The following HNRNPH1 variants were observed in gnomAD, a reference collection of about 807,000 sequenced individuals.
HNRNPH1 encodes the protein heterogeneous nuclear ribonucleoprotein H1, also known as heterogeneous nuclear ribonucleoprotein H.
A neutral mutation model predicts 58.6 loss-of-function variants in HNRNPH1; 4 were observed. That is an observed-to-expected ratio of 0.07 (90% CI 0.03 to 0.16). The LOEUF (loss-of-function observed/expected upper bound fraction) is 0.16. HNRNPH1 is among the 10% of genes least tolerant of loss of function. HNRNPH1 has a pLI of 1.00. For synonymous variants in HNRNPH1, 192 were observed against 189.2 expected, an observed-to-expected ratio of 1.01 and a Z score of -0.12; for missense variants, 271 against 564.2, an observed-to-expected ratio of 0.48 and a Z score of 5.26.
chr5:179,621,735 C>T (rs1319044712), intron 1 of HNRNPH1: 1 of 382,646 alleles, frequency 2.6e-6, no homozygotes, highest in East Asian at 6.4e-5. Flanking sequence ...TTACGGCAAA[C>T]ATACTTCGTT....
chr5:179,633,461 A>ATTTTTTTTTTTTTT (rs762139490), intron 2 of HNRNPH1, among the ~76,000 whole-genome samples: 8 of 102,602 alleles, frequency 7.8e-5, no homozygotes, highest in African/African-American at 2.4e-4. Flanking sequence ...CACCCGGCTA[A>ATTTTTTTTTTTTTT]TTTTTTTTTT....
At chr5:179,624,409 CCT>C (rs1214903946) in exon 1 of HNRNPH1, 5 of 397,398 alleles carry the variant, frequency 1.3e-5, no homozygotes, top group African/African-American at 2.1e-5. Flanking sequence ...GAATTCGCAC[CCT>C]GTGTACCCCT....
upstream of HNRNPH1, among the ~76,000 whole-genome samples, chr5:179,627,369 T>C (rs1190275102): frequency 1.3e-5 from 2 of 152,046 alleles, no homozygotes; most frequent in African/African-American, 2.4e-5. Context: ...TTTTTTTTTT[T>C]TTTGTAGTGA....
chr5:179,632,710 G>C (rs1429448433), intron 2 of HNRNPH1, among the ~76,000 whole-genome samples: 1 of 151,046 alleles, frequency 6.6e-6, no homozygotes, highest in Admixed American at 6.6e-5. Context: ...AACCTCCCAA[G>C]GCTTCAGCCA....
chr5:179,618,165 C>G, exon 5 of HNRNPH1: 1 of 1,614,004 alleles, frequency 6.2e-7, no homozygotes. Flanking sequence ...AGCACCACGC[C>G]TCATCCTCTC....
At chr5:179,626,259 C>T (rs1774384253), upstream of HNRNPH1, among the ~76,000 whole-genome samples, 1 of 151,906 alleles carries the variant, frequency 6.6e-6, no homozygotes, top group South Asian at 2.1e-4. Context: ...TGTGCCACCA[C>T]ACCTGGCTAC....
At chr5:179,621,433 AC>A in intron 1 of HNRNPH1, 36 bp from the exon 3 acceptor site, 2 of 1,572,636 alleles carry the variant, frequency 1.3e-6, no homozygotes, top group Non-Finnish European at 1.7e-6. Context: ...AGAATTTAAA[AC>A]CTAAAACCAC....
chr5:179,633,563 TG>T (rs1775025602), intron 2 of HNRNPH1, among the ~76,000 whole-genome samples: 1 of 144,348 alleles, frequency 6.9e-6, no homozygotes, highest in Admixed American at 6.9e-5. Context: ...CCACCTGCCT[TG>T]GCCTCCCAAA....
intron 2 of HNRNPH1, among the ~76,000 whole-genome samples, chr5:179,630,257 G>C (rs965600005): frequency 9.2e-5 from 14 of 152,194 alleles, no homozygotes; most frequent in Non-Finnish European, 1.5e-4. Context: ...GCTGAGGCAG[G>C]AGAATCGCTT....
exon 13 of HNRNPH1, chr5:179,614,765 A>C: frequency 1.3e-6 from 1 of 764,534 alleles, no homozygotes; most frequent in Non-Finnish European, 2.1e-6. Flanking sequence ...AGAAACTGTT[A>C]AACTGAAGTT....
rs537553210 is a variant in HNRNPH1 at position 179,621,499 on chromosome 5, A to G, written c.98-102T>C. The stretch of plus-strand genomic sequence containing the variant: ...CCATGTCCCCACTACAAATTACATA[A>G]CTTGTGAAGCCTATATATACTGACC... On this transcript the variant is annotated intron_variant, in intron 1 of 12. Coordinates refer to ENST00000356731, the Ensembl canonical transcript of HNRNPH1. 2.8e-5 allele frequency: 28 copies of G among 990,650 alleles called. 1 individual carries two copies. Among genetic ancestry groups the G allele is most frequent in the Admixed American group, 1.6e-4 (7 of 42,920 alleles). The allele number at this position is 990,650 out of a possible 1,614,324, so 61.4% of individuals were successfully genotyped here.
In HNRNPH1 at chr5:179,621,160, T is replaced by C. The variant is rs1772129740; in HGVS notation, c.253+82A>G. On this transcript the variant is annotated intron_variant, in intron 2 of 12. Transcript: ENST00000356731. The stretch of plus-strand genomic sequence containing the variant: ...CCCTTAGATGACCATTTCCATGCAG[T>C]CAAATACCTAAAATTCAGAAGGGGT... 6.6e-6 allele frequency: 10 copies of C among 1,505,504 alleles called. No individual in the cohort carries two copies. The South Asian group carries it at 1.2e-4, about 17-fold the overall frequency. The allele number at this position is 1,505,504 out of a possible 1,614,324, so 93.3% of individuals were successfully genotyped here.
At chr5:179,622,992 G>T in intron 1 of HNRNPH1, 45 bp downstream of exon 2, 1 of 556,242 alleles carries the variant, frequency 1.8e-6, no homozygotes, top group Non-Finnish European at 2.6e-6. Context: ...CAGCCCGCCC[G>T]CCCCGGCCTC....
At chr5:179,621,942 GTTC>G (rs1451135262) in intron 1 of HNRNPH1, 2 of 456,300 alleles carry the variant, frequency 4.4e-6, no homozygotes, top group Admixed American at 2.3e-5. Context: ...AGCGTACTTG[GTTC>G]TTGTTTTACA....
chr5:179,619,319 C>T, exon 4 of HNRNPH1: 1 of 1,613,480 alleles, frequency 6.2e-7, no homozygotes, highest in Non-Finnish European at 8.5e-7. Flanking sequence ...CAGCTATTTC[C>T]TGTGAAGCAA....
Position 179,630,859 on chromosome 5 carries a change from C to T in HNRNPH1, c.-32+3206G>A, listed in dbSNP as rs369140690. 3.6e-4 allele frequency among the ~76,000 whole-genome samples: 52 copies of T among 145,714 alleles called. No homozygotes were observed. The East Asian group carries it at 8.8e-3, about 25-fold the overall frequency. Reference sequence around the variant, plus strand: ...CCGGGAGGCAGAGCTTGCAGTGAGCCGAGATCGTGCCACTGCACTCCAGCC... The same window carrying T: ...CCGGGAGGCAGAGCTTGCAGTGAGCTGAGATCGTGCCACTGCACTCCAGCC... On this transcript the variant is annotated intron_variant, in intron 2 of 4. Coordinates refer to the HNRNPH1 transcript ENST00000521116.
chr5:179,617,132 T>TTGAA (rs776925898), intron 8 of HNRNPH1, 22 bp from the exon 10 acceptor site: 9 of 1,606,942 alleles, frequency 5.6e-6, no homozygotes, highest in African/African-American at 1.3e-5. Flanking sequence ...AAAAAAAAGT[T>TTGAA]TGAAAATGTT....
chr5:179,632,369 C>A (rs1358056509), intron 2 of HNRNPH1, among the ~76,000 whole-genome samples: 4 of 152,222 alleles, frequency 2.6e-5, no homozygotes, highest in Non-Finnish European at 5.9e-5. Flanking sequence ...TGGGGTAGCA[C>A]CCCCTCCCCC....
chr5:179,624,277 G>A, exon 1 of HNRNPH1: 1 of 382,776 alleles, frequency 2.6e-6, no homozygotes, highest in Middle Eastern at 6.6e-4. Context: ...TATGGTGCCT[G>A]GGGCACGTCC....
Sources: gnomAD v4.1 joint callset for allele counts (sites outside exome capture counted in the v4.1 genomes callset) on GRCh38, gnomAD v4.1.1 for gene constraint, MANE v1.5 for transcripts, NCBI Gene and HGNC (gene_info 2026-07-23, HGNC 2026-07-21) for gene names.